The following TPO variants were observed in gnomAD, a reference collection of about 807,000 sequenced individuals.
TPO encodes thyroid peroxidase, also known as thyroid microsomal antigen.
A neutral mutation model predicts 96.9 loss-of-function variants in TPO; 78 were observed. The ratio of observed to expected loss-of-function variants is 0.81; its 90% CI spans 0.67 to 0.97. The LOEUF (loss-of-function observed/expected upper bound fraction) is 0.97. Among genes scored for constraint, TPO ranks in the 50% least tolerant of loss-of-function variants. The probability of loss-of-function intolerance (pLI) is 0.00; values close to 1 mark genes in which losing one functional copy is unlikely to be tolerated. For synonymous variants in TPO, 547 were observed against 538.0 expected, an observed-to-expected ratio of 1.02 and a Z score of -0.23; for missense variants, 1,252 against 1,274.8, an observed-to-expected ratio of 0.98 and a Z score of 0.27.
At chr2:1,495,719 T>A (rs1672255758) in intron 11 of TPO, among the ~76,000 whole-genome samples, 1 of 152,106 alleles carries the variant, frequency 6.6e-6, no homozygotes, top group African/African-American at 2.4e-5. Flanking sequence ...TGGTCCCGGG[T>A]GCTCAGGGGT....
At chr2:1,512,319 G>A in intron 14 of TPO, 1 of 844,768 alleles carries the variant, frequency 1.2e-6, no homozygotes, top group Non-Finnish European at 1.4e-6. Flanking sequence ...CTAGAGTTGA[G>A]ACGTTCCCTC....
At chr2:1,425,128 T>G (rs767297577) in intron 3 of TPO, among the ~76,000 whole-genome samples, 3 of 151,950 alleles carry the variant, frequency 2.0e-5, no homozygotes, top group Non-Finnish European at 4.4e-5. Flanking sequence ...ATGCAGTCAT[T>G]GTTCTAGATG....
intron 7 of TPO, among the ~76,000 whole-genome samples, chr2:1,463,613 C>T (rs1174948543): frequency 6.6e-6 from 1 of 152,236 alleles, no homozygotes. Flanking sequence ...TCTCTGACTA[C>T]TGATCACTCA....
chr2:1,377,462 C>T (rs1416676821), intron 1 of TPO, among the ~76,000 whole-genome samples: 2 of 152,158 alleles, frequency 1.3e-5, no homozygotes, highest in African/African-American at 2.4e-5. Context: ...CTCGCCGTGG[C>T]TCAGAAGCAG....
rs544957892 is a variant in TPO at position 1,385,192 on chromosome 2, A to C, written n.180+10790A>C. ...TCTCTTTTTTTGTTGTGTCTCTGCC[A>C]GGCTTTGGTATCAGGATGATGCTGG... On this transcript the variant is annotated intron_variant and non_coding_transcript_variant, in intron 1 of 5. Coordinates refer to the TPO transcript ENST00000497517. Among the ~76,000 whole-genome samples, 29 of 152,272 alleles carry C rather than the reference A, an allele frequency of 1.9e-4. No homozygotes were observed. In the South Asian group the frequency reaches 2.1e-3, roughly 11 times the overall value.
At chr2:1,535,067 CCCACTCTGTGCACCTTCCCCAAATCTA>C (rs1679265966) in intron 15 of TPO, among the ~76,000 whole-genome samples, 57 of 144,206 alleles carry the variant, frequency 4.0e-4, no homozygotes, top group Non-Finnish European at 5.0e-4. Flanking sequence ...CCAAATCTCC[CCCACTCTGTGCACCTTCCCCAAATCTA>C]CCTAACTCTG....
At chr2:1,428,281 A>T (rs1027721257) in intron 3 of TPO, among the ~76,000 whole-genome samples, 5 of 152,358 alleles carry the variant, frequency 3.3e-5, no homozygotes, top group African/African-American at 1.2e-4. Context: ...AAATAGCAGC[A>T]GATGAACAGA....
rs565224528 is a variant in TPO, at chr2:1,392,676, G to A, written n.180+18274G>A. ...TATTATTACCTCAATTTCAGAGCCT[G>A]TTATTGGTCTGTTCGGAGACTCAAC... On this transcript the variant is annotated intron_variant and non_coding_transcript_variant, in intron 1 of 5. Transcript: ENST00000497517. Among the ~76,000 whole-genome samples, 3 of 152,308 alleles carry A rather than the reference G, an allele frequency of 2.0e-5. No individual in the cohort carries two copies. The East Asian group carries it at 5.8e-4, about 29-fold the overall frequency.
At chr2:1,424,653 T>C (rs916888784) in intron 3 of TPO, among the ~76,000 whole-genome samples, 2 of 152,180 alleles carry the variant, frequency 1.3e-5, no homozygotes, top group African/African-American at 4.8e-5. Flanking sequence ...TTTTGATAGC[T>C]CTCAAAAAAA....
At chr2:1,537,203 C>T (rs1209734913) in intron 15 of TPO, among the ~76,000 whole-genome samples, 9 of 121,866 alleles carry the variant, frequency 7.4e-5, no homozygotes, top group African/African-American at 2.0e-4. Flanking sequence ...CCCCAAATCC[C>T]CCCACTGTGT....
rs368123442 is a variant in TPO, at chr2:1,416,322, T to C, written c.94+1820T>C. Reference sequence around the variant, plus strand: ...TAAATTAATTACTTTGTTATTTTATTTCATATTTAGTAGGACCTGGTTGTA... The same window carrying C: ...TAAATTAATTACTTTGTTATTTTATCTCATATTTAGTAGGACCTGGTTGTA... On this transcript the variant is annotated intron_variant, in intron 2 of 16. Coordinates refer to ENST00000329066, the MANE Select transcript of TPO (RefSeq NM_001206744.2). 5.9e-5 allele frequency among the ~76,000 whole-genome samples: 9 copies of C among 152,340 alleles called. No individual in the cohort carries two copies. In the East Asian group the frequency reaches 1.5e-3, roughly 26 times the overall value.
intron 15 of TPO, among the ~76,000 whole-genome samples, chr2:1,535,297 TC>T: frequency 9.0e-6 from 1 of 111,682 alleles, no homozygotes; most frequent in Non-Finnish European, 1.8e-5. Flanking sequence ...CCTCCTCAAA[TC>T]CCTGTACTGT....
intron 15 of TPO, among the ~76,000 whole-genome samples, chr2:1,535,329 CCCCACT>C: frequency 9.7e-6 from 1 of 102,742 alleles, no homozygotes; most frequent in Non-Finnish European, 2.0e-5. Context: ...CTCAAATCCC[CCCCACT>C]GTATGCAACC....
At chr2:1,446,686 T>C (rs1666859193) in intron 5 of TPO, among the ~76,000 whole-genome samples, 1 of 152,240 alleles carries the variant, frequency 6.6e-6, no homozygotes, top group African/African-American at 2.4e-5. Context: ...TAAATATGTC[T>C]TCAGTGAGAA....
intron 1 of TPO, among the ~76,000 whole-genome samples, chr2:1,397,422 A>G (rs1662098274): frequency 6.6e-6 from 1 of 152,194 alleles, no homozygotes; most frequent in African/African-American, 2.4e-5. Context: ...GCCGTGGCCC[A>G]GGAGGAAGAT....
intron 1 of TPO, among the ~76,000 whole-genome samples, chr2:1,395,108 CACAA>C (rs1488939379): frequency 6.6e-6 from 1 of 152,118 alleles, no homozygotes; most frequent in East Asian, 1.9e-4. Context: ...GCAAAACAAA[CACAA>C]ACAAAGCATC....
At position 1,542,417 on chromosome 2, in the gene TPO, G is replaced by A. The variant is rs28915686; in HGVS notation, c.2749-4G>A. The A allele has an allele frequency of 8.0e-4, 1,296 of 1,614,168 alleles. 10 individuals carry two copies. In the African/African-American group the frequency reaches 0.015, roughly 19 times the overall value. On this transcript the variant is annotated splice_region_variant and splice_polypyrimidine_tract_variant and intron_variant, in intron 16 of 16. Transcript: ENST00000329066. ...TTATTAATGTTTGTTCTGCATTTTT[G>A]CAGGAGAGTGCTGGGATGGAAGGCC...
At chr2:1,385,675 A>G (rs9955759) in intron 1 of TPO, among the ~76,000 whole-genome samples, 16,324 of 151,166 alleles carry the variant, frequency 0.11, 1,716 homozygotes, top group African/African-American at 0.28. Flanking sequence ...CTCCTGGATT[A>G]ACTGATTTTT....
At position 1,477,671 on chromosome 2, in the gene TPO, C is replaced by T. The variant is rs529198002; in HGVS notation, c.1338+67C>T. The T allele has an allele frequency of 1.5e-5, 22 of 1,422,856 alleles. No homozygotes were observed. The African/African-American group carries it at 3.3e-4, about 21-fold the overall frequency. 88.1% of individuals were successfully genotyped at this position (1,422,856 alleles called of 1,614,324 possible). ...AAGCGGGGGGCGCCTCGTGTGGGTG[C>T]GCAGCATCGTGGCTTCTCTCTCCCA... On this transcript the variant is annotated intron_variant, in intron 8 of 16. Coordinates refer to ENST00000329066, the MANE Select transcript of TPO (RefSeq NM_001206744.2).
Sources: allele counts gnomAD v4.1 joint callset (sites outside exome capture counted in the v4.1 genomes callset), GRCh38; gene constraint gnomAD v4.1.1; transcripts MANE v1.5; gene names NCBI Gene and HGNC (gene_info 2026-07-23, HGNC 2026-07-21).